XPO1: variants seen among roughly 807,000 people sequenced by gnomAD.
XPO1 encodes the protein exportin-1.
Under a neutral mutation model 133.3 loss-of-function variants are expected in XPO1, and 5 were observed. The observed-to-expected ratio is 0.04, with a 90% CI of 0.02 to 0.08. The LOEUF is 0.08. XPO1 is among the 10% of genes least tolerant of loss of function. The pLI, the probability that XPO1 is intolerant of heterozygous loss-of-function variation, is 1.00. For missense variants in XPO1, 506 were observed against 1,267.5 expected, an observed-to-expected ratio of 0.40 and a Z score of 9.12; for synonymous variants, 419 against 408.2, an observed-to-expected ratio of 1.03 and a Z score of -0.32.
chr2:61,503,620 T>C (rs1697652996), intron 4 of XPO1, among the ~76,000 whole-genome samples: 1 of 151,958 alleles, frequency 6.6e-6, no homozygotes, highest in Non-Finnish European at 1.5e-5. Flanking sequence ...GAGATGGGGT[T>C]TCACCGTGTT....
In XPO1 at chr2:61,531,101, GCTA is replaced by G. The variant is rs374236328; in HGVS notation, c.126+2668_126+2670del. 7.2e-5 allele frequency among the ~76,000 whole-genome samples: 11 copies of G among 152,306 alleles called. No homozygotes were observed. The East Asian group carries it at 1.2e-3, about 16-fold the overall frequency. Reference sequence around the variant, plus strand: ...ATGTTTTCCACTATAGCAGCTCGCTGCTACTACTACTCCTTTTCCTTTGAAATA... The same window carrying G: ...ATGTTTTCCACTATAGCAGCTCGCTGCTACTACTCCTTTTCCTTTGAAATA... On this transcript the variant is annotated intron_variant, in intron 2 of 24. Coordinates refer to ENST00000401558, the MANE Select transcript of XPO1 (RefSeq NM_003400.4).
At chr2:61,488,853 GCACT>G (rs1459412281) in intron 17 of XPO1, 82 bp from the exon 18 acceptor site, 1 of 1,490,028 alleles carries the variant, frequency 6.7e-7, no homozygotes, top group Non-Finnish European at 9.2e-7. Flanking sequence ...TGTAATCCCA[GCACT>G]CTGAGAGGCC....
intron 16 of XPO1, 120 bp from the exon 17 acceptor site, chr2:61,490,896 T>G: frequency 8.2e-7 from 1 of 1,218,002 alleles, no homozygotes; most frequent in Non-Finnish European, 1.1e-6. Flanking sequence ...GGATCACTCC[T>G]GTAATCCCAA....
At chr2:61,513,337 G>C (rs888599778) in intron 4 of XPO1, among the ~76,000 whole-genome samples, 1 of 143,752 alleles carries the variant, frequency 7.0e-6, no homozygotes, top group Non-Finnish European at 1.5e-5. Flanking sequence ...AACTATAAAG[G>C]TTCTATAAGA....
At chr2:61,496,702 AT>A (rs1410166701) in intron 10 of XPO1, among the ~76,000 whole-genome samples, 176 bp downstream of exon 10, 2 of 152,194 alleles carry the variant, frequency 1.3e-5, no homozygotes, top group African/African-American at 2.4e-5. Flanking sequence ...CCAAACCTGA[AT>A]TTTAAGAAAT....
chr2:61,535,084 A>G (rs1176163321), intron 1 of XPO1, among the ~76,000 whole-genome samples: 1 of 152,230 alleles, frequency 6.6e-6, no homozygotes, highest in Non-Finnish European at 1.5e-5. Flanking sequence ...AAAACCTACT[A>G]GTTCATATGC....
chr2:61,479,456 A>C (rs988457949), intron 24 of XPO1, among the ~76,000 whole-genome samples: 14 of 41,328 alleles, frequency 3.4e-4, no homozygotes, highest in South Asian at 1.2e-3. Flanking sequence ...GTGCCCCCCC[A>C]AAAAAAACAA....
intron 17 of XPO1, 36 bp from the exon 18 acceptor site, chr2:61,488,807 A>G (rs1393995010): frequency 6.2e-7 from 1 of 1,606,892 alleles, no homozygotes. Context: ...TTTATCATAT[A>G]AGAATTATCC....
Position 61,481,268 on chromosome 2 carries a change from G to C in XPO1, c.2986C>G (p.Leu996Val). The C allele has an allele frequency of 2.5e-6, 4 of 1,609,476 alleles. No individual in the cohort carries two copies. The highest frequency in any genetic ancestry group is 3.4e-6 in the Non-Finnish European group (4 of 1,178,396). ...AAGCTGAAAAGCCCTGTCACAAAGA[G>C]CTTTACTTGAGCACTGCAAATCAAA... ...FPHLQDAQVK[L>V]FVTGLFSLNQ... The change falls in exon 24 of 25, where the codon CTC (leucine) becomes GTC (valine). Residue 996 changes from leucine to valine, a missense_variant. Physicochemically the swap from Leu to Val is conservative, Grantham distance 32. Around this residue, in one of 6 missense-constraint regions of XPO1, gnomAD observed 203 missense variants for 365.9 expected, o/e 0.55. Coordinates refer to ENST00000401558, the MANE Select transcript of XPO1 (RefSeq NM_003400.4).
chr2:61,535,314 A>G (rs1430094691), intron 1 of XPO1, among the ~76,000 whole-genome samples: 1 of 152,158 alleles, frequency 6.6e-6, no homozygotes. Flanking sequence ...AAAACTCACG[A>G]TTTTGTATAC....
chr2:61,522,527 A>T, intron 4 of XPO1, 84 bp downstream of exon 4: 1 of 1,184,498 alleles, frequency 8.4e-7, no homozygotes, highest in Non-Finnish European at 1.2e-6. Context: ...CTAAAGATTC[A>T]TTACATGCCC....
intron 7 of XPO1, 63 bp from the exon 8 acceptor site, chr2:61,498,976 T>C (rs977154037): frequency 5.4e-6 from 8 of 1,481,194 alleles, no homozygotes; most frequent in East Asian, 4.9e-5. Context: ...ATCAGTTATC[T>C]ATAATACTAA....
At chr2:61,488,825 G>C (rs771912472) in intron 17 of XPO1, 54 bp from the exon 18 acceptor site, 19 of 1,582,856 alleles carry the variant, frequency 1.2e-5, no homozygotes, top group South Asian at 1.1e-4. Flanking sequence ...TCCACGGCTG[G>C]GAACAGTGGC....
chr2:61,518,897 T>C (rs1456990992), intron 4 of XPO1, among the ~76,000 whole-genome samples: 1 of 152,252 alleles, frequency 6.6e-6, no homozygotes, highest in African/African-American at 2.4e-5. Context: ...TCTCTTGCTA[T>C]AAAAATATCT....
rs753951461 is a variant in XPO1, at chr2:61,493,998, A to G, written c.1141T>C (p.Tyr381His). ...GATGTAGAGAATGGACTCTCTCTATAGAGTTCAGCAGCCAAATGATTCCAG... is the reference window on the plus strand; with the variant it reads ...GATGTAGAGAATGGACTCTCTCTATGGAGTTCAGCAGCCAAATGATTCCAG... Reference protein sequence around the residue: ...EYWNHLAAELYRESPFSTSAS... With the variant: ...EYWNHLAAELHRESPFSTSAS... Residue 381 changes from tyrosine (Y) to histidine (H), a missense_variant, in exon 12 of 25, where the codon TAT becomes CAT. Coordinates refer to ENST00000401558, the MANE Select transcript of XPO1 (RefSeq NM_003400.4). 6.2e-7 allele frequency: 1 copy of G among 1,614,122 alleles called. No homozygotes were observed. Among genetic ancestry groups the G allele is most frequent in the Non-Finnish European group, 8.5e-7 (1 of 1,179,998 alleles).
chr2:61,486,185 C>CTT (rs199965674), intron 19 of XPO1, among the ~76,000 whole-genome samples: 175 of 147,054 alleles, frequency 1.2e-3, no homozygotes, highest in African/African-American at 3.4e-3. Flanking sequence ...TCATTCAAGA[C>CTT]TTTTTTTTTT....
intron 1 of XPO1, among the ~76,000 whole-genome samples, 160 bp downstream of exon 1, chr2:61,537,402 A>C (rs1032204817): frequency 5.4e-5 from 8 of 149,380 alleles, no homozygotes; most frequent in African/African-American, 1.9e-4. Flanking sequence ...GCTCCATTCA[A>C]TCGCAGGCTC....
intron 20 of XPO1, 197 bp from the exon 21 acceptor site, chr2:61,484,302 CAT>C (rs1161912983): frequency 5.9e-6 from 3 of 506,156 alleles, no homozygotes; most frequent in African/African-American, 3.9e-5. Context: ...CCGTTACGCA[CAT>C]GAGTTATCAA....
intron 19 of XPO1, 122 bp downstream of exon 19, chr2:61,488,043 C>A: frequency 1.2e-6 from 1 of 801,676 alleles, no homozygotes; most frequent in South Asian, 1.8e-5. Flanking sequence ...AAATAAAATG[C>A]CATAAAATAA....
Sources: gnomAD v4.1 joint callset for allele counts (sites outside exome capture counted in the v4.1 genomes callset) on GRCh38, gnomAD v4.1.1 for gene constraint, gnomAD v4.1.1 regional missense constraint, MANE v1.5 for transcripts, NCBI Gene and HGNC (gene_info 2026-07-23, HGNC 2026-07-21) for gene names.